KANSL1L: variants seen among roughly 807,000 people sequenced by gnomAD.
The protein encoded by KANSL1L is KAT8 regulatory NSL complex subunit 1-like protein.
A neutral mutation model predicts 108.6 loss-of-function variants in KANSL1L; 25 were observed. The observed-to-expected ratio is 0.23, with a 90% CI of 0.17 to 0.32. The LOEUF (loss-of-function observed/expected upper bound fraction) is 0.32. KANSL1L is among the 10% of genes least tolerant of loss of function. The probability of loss-of-function intolerance (pLI) is 1.00; values close to 1 mark genes in which losing one functional copy is unlikely to be tolerated. For missense variants in KANSL1L, 1,137 were observed against 1,125.7 expected (o/e 1.01, Z -0.14); for synonymous variants, 405 against 395.1 (o/e 1.03, Z -0.30).
At chr2:210,166,799 C>T (rs984508483) in intron 1 of KANSL1L, among the ~76,000 whole-genome samples, 1 of 151,914 alleles carries the variant, frequency 6.6e-6, no homozygotes, top group African/African-American at 2.4e-5. Flanking sequence ...GAGGGGAGAA[C>T]CCTGAAGTAG....
At chr2:210,109,370 C>T (rs1279458771) in intron 3 of KANSL1L, among the ~76,000 whole-genome samples, 1 of 152,030 alleles carries the variant, frequency 6.6e-6, no homozygotes, top group Non-Finnish European at 1.5e-5. Context: ...GACTCTGATC[C>T]CTTCCCTTCT....
In KANSL1L at chr2:210,083,753, C is replaced by T. The variant is rs1009200015; in HGVS notation, c.1551-7997G>A. Among the ~76,000 whole-genome samples the T allele has an allele frequency of 4.8e-5, 7 of 145,772 alleles. No homozygotes were observed. In the East Asian group the frequency reaches 8.3e-4, roughly 17 times the overall value. ...CTGAGGCAGGAAAATGGCATGAACC[C>T]GGGAGGCAGAGCTTGCAGTGAGCCG... On this transcript the variant is annotated intron_variant, in intron 5 of 14. Transcript: ENST00000281772.
intron 2 of KANSL1L, among the ~76,000 whole-genome samples, chr2:210,140,245 A>G (rs1171129912): frequency 6.6e-6 from 1 of 152,184 alleles, no homozygotes; most frequent in Non-Finnish European, 1.5e-5. Context: ...CATATCCAAA[A>G]AATATTTGCC....
rs2093881122 is a variant in KANSL1L at position 210,023,000 on chromosome 2, T to G, written c.2913A>C (p.Glu971Asp). 2 of 1,613,872 alleles carry G rather than the reference T, an allele frequency of 1.2e-6. No homozygotes were observed. Residue 971 changes from glutamate (E) to aspartate (D), a missense_variant, in exon 15 of 15, where the codon GAA becomes GAC. Physicochemically the swap from Glu to Asp is conservative, Grantham distance 45. Transcript: ENST00000281772. Reference sequence around the variant, plus strand: ...GTCCTAGACCAAAGGTTTTGTATTCTTCCATTCCATCTGACTGCTTTTTTG... The same window carrying G: ...GTCCTAGACCAAAGGTTTTGTATTCGTCCATTCCATCTGACTGCTTTTTTG... ...HHPKKQSDGMEEYKTFGLGLT... is the reference protein window; with the variant it reads ...HHPKKQSDGMDEYKTFGLGLT...
rs11896039 is a variant in KANSL1L at position 210,132,982 on chromosome 2, C to T, written c.1089-3810G>A. On this transcript the variant is annotated intron_variant, in intron 2 of 14. Transcript: ENST00000281772. Reference sequence around the variant, plus strand: ...TATAATTATTAATTTTTCTTTTTAACGTAAGGTTTTTCAGGTTTTCTATTT... The same window carrying T: ...TATAATTATTAATTTTTCTTTTTAATGTAAGGTTTTTCAGGTTTTCTATTT... Among the ~76,000 whole-genome samples the T allele has an allele frequency of 8.8e-3, 1,344 of 152,136 alleles. 18 individuals carry two copies. The highest frequency in any genetic ancestry group is 0.031 in the African/African-American group (1,293 of 41,506).
At chr2:210,084,441 C>A (rs1327401762) in intron 5 of KANSL1L, among the ~76,000 whole-genome samples, 1 of 151,664 alleles carries the variant, frequency 6.6e-6, no homozygotes, top group Non-Finnish European at 1.5e-5. Flanking sequence ...AAATTAAGAT[C>A]CATCTTACTG....
upstream of KANSL1L, among the ~76,000 whole-genome samples, chr2:210,172,680 CAGTA>C (rs1431948432): frequency 6.6e-6 from 1 of 152,140 alleles, no homozygotes; most frequent in African/African-American, 2.4e-5. Flanking sequence ...ATAATTAAAT[CAGTA>C]AGTATTTATT....
chr2:210,138,353 A>C (rs187269893), intron 2 of KANSL1L, among the ~76,000 whole-genome samples: 1 of 152,042 alleles, frequency 6.6e-6, no homozygotes, highest in East Asian at 1.9e-4. Flanking sequence ...TTGAAAAGCT[A>C]ACTATTGTAT....
At chr2:210,100,003 A>G (rs1323175696) in intron 4 of KANSL1L, among the ~76,000 whole-genome samples, 2 of 152,202 alleles carry the variant, frequency 1.3e-5, no homozygotes, top group South Asian at 2.1e-4. Context: ...ATTTTAAATC[A>G]CCTAAAGTAG....
In KANSL1L at chr2:210,078,799, C is replaced by T. The variant is rs775356604; in HGVS notation, c.1551-3043G>A. On this transcript the variant is annotated intron_variant, in intron 5 of 14. Transcript: ENST00000281772. ...TGCCTCTGTAATCTAATGCTTTTTCCCCAGGAGATGATGATTCAGGTAATT... is the reference window on the plus strand; with the variant it reads ...TGCCTCTGTAATCTAATGCTTTTTCTCCAGGAGATGATGATTCAGGTAATT... Among the ~76,000 whole-genome samples, 61 of 152,064 alleles carry T rather than the reference C, an allele frequency of 4.0e-4. 1 individual carries two copies. The highest frequency in any genetic ancestry group is 3.2e-4 in the Non-Finnish European group (22 of 68,000).
chr2:210,142,156 G>T (rs1055047263), intron 2 of KANSL1L, among the ~76,000 whole-genome samples: 2 of 151,468 alleles, frequency 1.3e-5, no homozygotes, highest in Admixed American at 6.6e-5. Context: ...CTTTGATGGG[G>T]GACTTTATTA....
At chr2:210,083,753 CG>C (rs1302722613) in intron 5 of KANSL1L, among the ~76,000 whole-genome samples, 1 of 145,690 alleles carries the variant, frequency 6.9e-6, no homozygotes, top group Non-Finnish European at 1.5e-5. Context: ...GGCATGAACC[CG>C]GGAGGCAGAG....
chr2:210,098,322 G>T, intron 4 of KANSL1L, 115 bp from the exon 5 acceptor site: 1 of 934,340 alleles, frequency 1.1e-6, no homozygotes, highest in South Asian at 1.7e-5. Flanking sequence ...TTTTATTTTA[G>T]TAAATGTTTT....
chr2:210,097,104 C>T (rs563448790), intron 5 of KANSL1L: 8 of 252,128 alleles, frequency 3.2e-5, no homozygotes, highest in East Asian at 1.8e-4. Flanking sequence ...CCACCACGCC[C>T]GGCTAATTTT....
At chr2:210,136,923 T>A (rs2095178946) in intron 2 of KANSL1L, among the ~76,000 whole-genome samples, 1 of 152,148 alleles carries the variant, frequency 6.6e-6, no homozygotes, top group African/African-American at 2.4e-5. Flanking sequence ...TAAAAATAGT[T>A]AGACTTATTG....
chr2:210,131,565 TACTC>T (rs1312101326), intron 2 of KANSL1L, among the ~76,000 whole-genome samples: 1 of 152,144 alleles, frequency 6.6e-6, no homozygotes, highest in African/African-American at 2.4e-5. Flanking sequence ...GATATTCTGA[TACTC>T]AAGTTAGGAT....
chr2:210,104,716 A>G (rs2094829326), intron 3 of KANSL1L, among the ~76,000 whole-genome samples: 1 of 152,134 alleles, frequency 6.6e-6, no homozygotes, highest in South Asian at 2.1e-4. Flanking sequence ...AGCACTCCCA[A>G]TTTTATAAAT....
intron 5 of KANSL1L, among the ~76,000 whole-genome samples, chr2:210,084,148 G>A (rs1308967844): frequency 6.6e-6 from 1 of 152,046 alleles, no homozygotes; most frequent in Non-Finnish European, 1.5e-5. Context: ...AAGGCTGGGC[G>A]CAGTGGCTCA....
intron 1 of KANSL1L, among the ~76,000 whole-genome samples, chr2:210,170,847 C>G (rs1295373177): frequency 6.6e-6 from 1 of 152,008 alleles, no homozygotes; most frequent in Non-Finnish European, 1.5e-5. Context: ...AAGCCCCACC[C>G]CCCACGTGAC....
Sources: allele counts gnomAD v4.1 joint callset (sites outside exome capture counted in the v4.1 genomes callset), GRCh38; gene constraint gnomAD v4.1.1; transcripts MANE v1.5; gene names NCBI Gene and HGNC (gene_info 2026-07-23, HGNC 2026-07-21).